SKI: variants seen among roughly 807,000 people sequenced by gnomAD.
SKI encodes ski oncogene.
A neutral mutation model predicts 59.3 loss-of-function variants in SKI; 23 were observed. The observed-to-expected ratio is 0.39, with a 90% CI of 0.28 to 0.55. The LOEUF is 0.55. SKI is among the 20% of genes least tolerant of loss of function. The pLI, the probability that SKI is intolerant of heterozygous loss-of-function variation, is 0.67. For synonymous variants in SKI, 673 were observed against 488.6 expected (o/e 1.38, Z -4.98); for missense variants, 1,017 against 1,038.9 (o/e 0.98, Z 0.29).
intron 1 of SKI, among the ~76,000 whole-genome samples, chr1:2,265,135 T>C (rs1490483107): frequency 6.6e-6 from 1 of 152,176 alleles, no homozygotes; most frequent in East Asian, 1.9e-4. Context: ...TTTAAGATTG[T>C]CTCTTTGTCA....
chr1:2,240,627 A>G, intron 1 of SKI: 1 of 985,468 alleles, frequency 1.0e-6, no homozygotes, highest in South Asian at 4.7e-5. Context: ...AGCCCGAAGT[A>G]ACCATACAGC....
At chr1:2,246,837 G>A (rs1352295920) in intron 1 of SKI, among the ~76,000 whole-genome samples, 1 of 139,624 alleles carries the variant, frequency 7.2e-6, no homozygotes, top group Non-Finnish European at 1.5e-5. Context: ...TGTAGCAGCA[G>A]CAAAGAGGAA....
chr1:2,272,158 C>A (rs1255657301), intron 1 of SKI, among the ~76,000 whole-genome samples: 1 of 152,236 alleles, frequency 6.6e-6, no homozygotes, highest in Non-Finnish European at 1.5e-5. Flanking sequence ...TACGTTCTCA[C>A]GACCTCTTGC....
At chr1:2,277,782 C>T (rs915081809) in intron 1 of SKI, among the ~76,000 whole-genome samples, 3 of 146,446 alleles carry the variant, frequency 2.0e-5, no homozygotes, top group Admixed American at 6.8e-5. Context: ...CGTGCACACA[C>T]GTCAGCACCG....
chr1:2,301,613 G>T (rs575831306), intron 1 of SKI, among the ~76,000 whole-genome samples: 1 of 152,164 alleles, frequency 6.6e-6, no homozygotes, highest in East Asian at 1.9e-4. Context: ...CCTGCCCTGC[G>T]CCCCATCTTC....
chr1:2,229,202 C>T lies in SKI; in HGVS notation c.436C>T (p.Leu146Phe). 2 of 1,610,494 alleles carry T rather than the reference C, an allele frequency of 1.2e-6. No individual in the cohort carries two copies. The highest frequency in any genetic ancestry group is 1.7e-5 in the Admixed American group (1 of 59,740). Residue 146 changes from leucine (L) to phenylalanine (F), a missense_variant, in exon 1 of 7, where the codon CTC becomes TTC. Leu to Phe is a conservative substitution (Grantham distance 22). Coordinates refer to ENST00000378536, the MANE Select transcript of SKI (RefSeq NM_003036.4). This position sits in a 1 kb window ranked among gnomAD's most constrained non-coding sequence, Gnocchi z 6.3. ...GCAGATCAACGCGGTGTGCGACGAGCTCCACATCTACTGCTCGCGCTGCAC... is the reference window on the plus strand; with the variant it reads ...GCAGATCAACGCGGTGTGCGACGAGTTCCACATCTACTGCTCGCGCTGCAC... ...LQQINAVCDE[L>F]HIYCSRCTAD...
At chr1:2,300,931 T>C (rs965722983) in intron 1 of SKI, among the ~76,000 whole-genome samples, 1 of 152,148 alleles carries the variant, frequency 6.6e-6, no homozygotes, top group African/African-American at 2.4e-5. Context: ...GGGCGGCTGT[T>C]GGGGCCCCAC....
intron 1 of SKI, among the ~76,000 whole-genome samples, chr1:2,252,459 GC>G (rs1038895635): frequency 3.1e-4 from 47 of 152,282 alleles, no homozygotes; most frequent in African/African-American, 1.0e-3. Context: ...CCTCTGCAGG[GC>G]CCCTTTATGT....
chr1:2,290,394 C>T (rs933800836), intron 1 of SKI, among the ~76,000 whole-genome samples: 2 of 152,172 alleles, frequency 1.3e-5, no homozygotes, highest in African/African-American at 4.8e-5. Flanking sequence ...TGAGGGGACA[C>T]AGCCGCCACC....
chr1:2,305,927 T>C lies in SKI; in HGVS notation c.1768-93T>C, dbSNP rs1487034266. On this transcript the variant is annotated intron_variant, in intron 5 of 6. Transcript: ENST00000378536. Reference sequence around the variant, plus strand: ...GCTCCAGGGCACATTGTCAGATAGATGACCCCACGGGGTGGGCTGAGGACT... The same window carrying C: ...GCTCCAGGGCACATTGTCAGATAGACGACCCCACGGGGTGGGCTGAGGACT... 5 of 986,748 alleles carry C rather than the reference T, an allele frequency of 5.1e-6. No homozygotes were observed. In the Middle Eastern group the frequency reaches 8.7e-4, roughly 172 times the overall value. 61.1% of individuals were successfully genotyped at this position (986,748 alleles called of 1,614,324 possible).
At chr1:2,261,409 T>C (rs1475064274) in intron 1 of SKI, among the ~76,000 whole-genome samples, 1 of 152,244 alleles carries the variant, frequency 6.6e-6, no homozygotes, top group African/African-American at 2.4e-5. Flanking sequence ...AACGGAAAGC[T>C]CTCTGTTTAT....
rs1639572599 is a variant in SKI, at chr1:2,269,584, G to T, written c.970-33394G>T. Among the ~76,000 whole-genome samples the T allele has an allele frequency of 6.6e-6, 1 of 152,256 alleles. No individual in the cohort carries two copies. Among genetic ancestry groups the T allele is most frequent in the South Asian group, 2.1e-4 (1 of 4,830 alleles). On this transcript the variant is annotated intron_variant, in intron 1 of 6. Coordinates refer to ENST00000378536, the MANE Select transcript of SKI (RefSeq NM_003036.4). The surrounding 1 kb of genome is among the most constrained non-coding windows in gnomAD (Gnocchi z 4.7). ...GTGTGGTGAGGAGCTTTGCTGCCCT[G>T]GAGCGTCGCTTTGTGGGCAGAAGCC... is the stretch of plus-strand genomic sequence containing the variant.
In SKI at chr1:2,260,541, T is replaced by TTTTC. The variant is rs1553194301; in HGVS notation, c.969+30809_969+30810insCTTT. Among the ~76,000 whole-genome samples the TTTTC allele has an allele frequency of 4.0e-5, 5 of 125,350 alleles. No homozygotes were observed. The East Asian group carries it at 1.1e-3, about 27-fold the overall frequency. 82.2% of individuals were successfully genotyped at this position (125,350 alleles called of 152,430 possible). ...TTTTCAGTTTGTTCTTTTTCTTTTT[T>TTTTC]TTTTTTTTTTTTTTTTTGAGACAGG... On this transcript the variant is annotated intron_variant, in intron 1 of 6. Transcript: ENST00000378536.
intron 1 of SKI, among the ~76,000 whole-genome samples, chr1:2,246,116 C>G (rs772115076): frequency 6.6e-6 from 1 of 152,134 alleles, no homozygotes; most frequent in Admixed American, 6.6e-5. Context: ...TTTAAAGAAC[C>G]GACTGTTTTT....
In SKI at chr1:2,293,067, G is replaced by C. The variant is rs548670270; in HGVS notation, c.970-9911G>C. Among the ~76,000 whole-genome samples the C allele has an allele frequency of 5.3e-5, 8 of 152,312 alleles. No individual in the cohort carries two copies. In the East Asian group the frequency reaches 1.4e-3, roughly 26 times the overall value. The stretch of plus-strand genomic sequence containing the variant: ...GTGCACGGGAGAGCAGGGGTTGGCA[G>C]GAACCCGGCAAATTTGTCAATAAAC... On this transcript the variant is annotated intron_variant, in intron 1 of 6. Transcript: ENST00000378536.
At chr1:2,233,469 G>A (rs1335472670) in intron 1 of SKI, among the ~76,000 whole-genome samples, 1 of 152,134 alleles carries the variant, frequency 6.6e-6, no homozygotes, top group Non-Finnish European at 1.5e-5. Context: ...GAATTCCCAG[G>A]GGTCTTGCAG....
At chr1:2,295,939 G>A (rs369893313) in intron 1 of SKI, among the ~76,000 whole-genome samples, 5 of 152,140 alleles carry the variant, frequency 3.3e-5, no homozygotes, top group African/African-American at 1.2e-4. Context: ...CTGCGTGTAC[G>A]CCGAGGACTG....
chr1:2,306,790 C>T lies in SKI; in HGVS notation c.*25C>T, dbSNP rs1640600235. 3.4e-6 allele frequency: 5 copies of T among 1,469,236 alleles called. No homozygotes were observed. The highest frequency in any genetic ancestry group is 2.4e-4 in the Middle Eastern group (1 of 4,092). The allele number at this position is 1,469,236 out of a possible 1,614,324, so 91.0% of individuals were successfully genotyped here. A position where few individuals can be genotyped will look rare whatever the true frequency, so the allele number is the denominator to read the frequency against. On this transcript the variant is annotated 3_prime_UTR_variant, in exon 7 of 7. Coordinates refer to ENST00000378536, the MANE Select transcript of SKI (RefSeq NM_003036.4). ...GATTCCGTGCCTGCCGCCGCAGCGC[C>T]GCCGACAACGCGGGTGCAGGGGGGC...
rs543727092 is a variant in SKI, at chr1:2,246,960, C to T, written c.969+17225C>T. Among the ~76,000 whole-genome samples, 13 of 152,332 alleles carry T rather than the reference C, an allele frequency of 8.5e-5. No homozygotes were observed. The South Asian group carries it at 1.0e-3, about 12-fold the overall frequency. On this transcript the variant is annotated intron_variant, in intron 1 of 6. Transcript: ENST00000378536. The stretch of plus-strand genomic sequence containing the variant: ...GGCACAGGCCGGGCACGGTGGCTCA[C>T]GCCTGTAATCCCAGCACTTTGGGAG...
Sources: allele counts gnomAD v4.1 joint callset (sites outside exome capture counted in the v4.1 genomes callset), GRCh38; gene constraint gnomAD v4.1.1; non-coding constraint Gnocchi (gnomAD v3.1); transcripts MANE v1.5; gene names NCBI Gene and HGNC (gene_info 2026-07-23, HGNC 2026-07-21).